Variants in ADAMTS19 observed in about 807,000 individuals in gnomAD.
ADAMTS19 encodes the protein ADAM metallopeptidase with thrombospondin type 1 motif 19.
A neutral mutation model predicts 153.3 loss-of-function variants in ADAMTS19; 93 were observed. The observed-to-expected ratio is 0.61, with a 90% CI of 0.51 to 0.72. The LOEUF (loss-of-function observed/expected upper bound fraction) is 0.72. Ranked by LOEUF, ADAMTS19 falls within the 30% of genes least tolerant of loss-of-function variation. The pLI is 0.00. For synonymous variants in ADAMTS19, 600 were observed against 556.6 expected (o/e 1.08, Z -1.10); for missense variants, 1,482 against 1,552.1 (o/e 0.95, Z 0.76).
At chr5:129,729,697 G>A (rs950406165) in intron 21 of ADAMTS19, among the ~76,000 whole-genome samples, 1 of 151,806 alleles carries the variant, frequency 6.6e-6, no homozygotes, top group Non-Finnish European at 1.5e-5. Flanking sequence ...TCTTTTCTTA[G>A]ACCCCAAAAT....
In ADAMTS19 at chr5:129,704,267, G is replaced by A. The variant is rs776454235; in HGVS notation, c.3188G>A (p.Arg1063His). ...ECSVKCGKGI[R>H]HRTVRCTNPR... ...TCAGTCAAGTGTGGCAAAGGCATAC[G>A]TCATCGGACCGTTAGATGTACCAAC... is the stretch of plus-strand genomic sequence containing the variant. The change falls in exon 21 of 23, where the codon CGT becomes CAT. Residue 1063 changes from arginine (R) to histidine (H), a missense_variant. By Grantham distance (29) the Arg-to-His change is conservative (BLOSUM62 0). Around this residue, in one of 2 missense-constraint regions of ADAMTS19, gnomAD observed 616 missense variants for 724.4 expected, o/e 0.85. Coordinates refer to ENST00000274487, the MANE Select transcript of ADAMTS19 (RefSeq NM_133638.6). 74 of 1,613,864 alleles carry A rather than the reference G, an allele frequency of 4.6e-5. No individual in the cohort carries two copies. The highest frequency in any genetic ancestry group is 4.7e-5 in the Non-Finnish European group (56 of 1,179,934).
At chr5:129,544,838 A>G (rs1477889398) in intron 6 of ADAMTS19, among the ~76,000 whole-genome samples, 1 of 152,168 alleles carries the variant, frequency 6.6e-6, no homozygotes, top group Non-Finnish European at 1.5e-5. Flanking sequence ...ACAGGTTGTG[A>G]ACAAAGAAAC....
intron 4 of ADAMTS19, among the ~76,000 whole-genome samples, chr5:129,527,515 G>A (rs1197734320): frequency 6.7e-6 from 1 of 150,180 alleles, no homozygotes; most frequent in Non-Finnish European, 1.5e-5. Flanking sequence ...GAAAGCATGG[G>A]TTTGGTGTGT....
chr5:129,663,040 A>G (rs894863554), intron 15 of ADAMTS19, among the ~76,000 whole-genome samples: 2 of 151,850 alleles, frequency 1.3e-5, no homozygotes, highest in Non-Finnish European at 2.9e-5. Context: ...GACTACAGGC[A>G]TGTGCCACTA....
intron 2 of ADAMTS19, among the ~76,000 whole-genome samples, chr5:129,465,540 C>G (rs548172700): frequency 1.7e-3 from 253 of 152,006 alleles, no homozygotes; most frequent in African/African-American, 6.0e-3. Context: ...GAATCTGGAG[C>G]CTTTTGTAAA....
At chr5:129,502,604 T>C (rs1159291118) in intron 2 of ADAMTS19, among the ~76,000 whole-genome samples, 2 of 152,192 alleles carry the variant, frequency 1.3e-5, no homozygotes, top group African/African-American at 2.4e-5. Flanking sequence ...AATGTGATCA[T>C]CTGAAAAGTT....
chr5:129,533,748 C>A (rs1752300850), intron 6 of ADAMTS19, among the ~76,000 whole-genome samples: 4 of 151,870 alleles, frequency 2.6e-5, no homozygotes, highest in Admixed American at 1.3e-4. Flanking sequence ...GTAAATTTCC[C>A]TCTACACACT....
At chr5:129,708,590 CAAAAAAA>C (rs1174701520) in intron 21 of ADAMTS19, among the ~76,000 whole-genome samples, 2 of 61,820 alleles carry the variant, frequency 3.2e-5, no homozygotes, top group Admixed American at 2.6e-4. Context: ...AGCAGAGAAG[CAAAAAAA>C]AAAAAAAAAA....
At chr5:129,610,032 G>A (rs1434665419) in intron 8 of ADAMTS19, among the ~76,000 whole-genome samples, 2 of 151,718 alleles carry the variant, frequency 1.3e-5, no homozygotes, top group South Asian at 4.2e-4. Flanking sequence ...ATAATTAAAG[G>A]AAGTAAAAAG....
chr5:129,624,940 C>T (rs1336616522), intron 10 of ADAMTS19, among the ~76,000 whole-genome samples: 1 of 152,060 alleles, frequency 6.6e-6, no homozygotes, highest in Non-Finnish European at 1.5e-5. Context: ...CACCCATTAA[C>T]TCATCATTTA....
At chr5:129,587,311 T>G (rs754461139) in intron 7 of ADAMTS19, among the ~76,000 whole-genome samples, 13 of 152,104 alleles carry the variant, frequency 8.5e-5, no homozygotes, top group Non-Finnish European at 1.5e-4. Context: ...TTTATCAATT[T>G]TGTCTAACTT....
chr5:129,556,819 G>T (rs918314314), intron 7 of ADAMTS19, among the ~76,000 whole-genome samples: 1 of 152,114 alleles, frequency 6.6e-6, no homozygotes, highest in African/African-American at 2.4e-5. Context: ...GCAAAAACAA[G>T]GAAATAGAAT....
chr5:129,622,776 C>A (rs1158079780), intron 10 of ADAMTS19, among the ~76,000 whole-genome samples: 1 of 152,094 alleles, frequency 6.6e-6, no homozygotes, highest in African/African-American at 2.4e-5. Flanking sequence ...TATAACCTAC[C>A]CACATCCTCC....
chr5:129,663,797 A>C (rs1462315958), intron 15 of ADAMTS19, among the ~76,000 whole-genome samples: 1 of 152,220 alleles, frequency 6.6e-6, no homozygotes, highest in Non-Finnish European at 1.5e-5. Context: ...TCAAATTGAT[A>C]AATTCATTCT....
intron 7 of ADAMTS19, among the ~76,000 whole-genome samples, chr5:129,592,519 G>C (rs901170011): frequency 1.3e-5 from 2 of 151,924 alleles, no homozygotes; most frequent in Admixed American, 1.3e-4. Context: ...TGAAAAGCTA[G>C]GCTTTTAAAC....
chr5:129,665,449 A>T, intron 15 of ADAMTS19, 50 bp from the exon 16 acceptor site: 3 of 1,432,766 alleles, frequency 2.1e-6, no homozygotes, highest in Non-Finnish European at 2.9e-6. Flanking sequence ...TGAAGAAAAG[A>T]GATTTTGAAG....
intron 6 of ADAMTS19, 78 bp from the exon 7 acceptor site, chr5:129,551,786 T>A (rs919146525): frequency 2.4e-6 from 2 of 820,396 alleles, no homozygotes; most frequent in African/African-American, 3.6e-5. Flanking sequence ...ATCATATAAC[T>A]ATTAAAAATG....
chr5:129,586,381 A>G (rs1444021219), intron 7 of ADAMTS19, among the ~76,000 whole-genome samples: 1 of 152,146 alleles, frequency 6.6e-6, no homozygotes, highest in East Asian at 1.9e-4. Context: ...TACTTTTGCC[A>G]TAGTTTTGCC....
At chr5:129,478,440 T>A (rs1750296991) in intron 2 of ADAMTS19, among the ~76,000 whole-genome samples, 1 of 152,188 alleles carries the variant, frequency 6.6e-6, no homozygotes, top group African/African-American at 2.4e-5. Flanking sequence ...ATGTCAGTGG[T>A]GGATTTTAAA....
Sources: allele counts gnomAD v4.1 joint callset (sites outside exome capture counted in the v4.1 genomes callset), GRCh38; gene constraint gnomAD v4.1.1; regional missense constraint gnomAD v4.1.1; transcripts MANE v1.5; gene names NCBI Gene and HGNC (gene_info 2026-07-23, HGNC 2026-07-21).